Variants in CADPS observed in about 807,000 individuals in gnomAD.
CADPS encodes the protein calcium dependent secretion activator.
A neutral mutation model predicts 167.3 loss-of-function variants in CADPS; 57 were observed. The observed-to-expected ratio is 0.34, with a 90% CI of 0.28 to 0.42. The LOEUF (loss-of-function observed/expected upper bound fraction) is 0.42. Ranked by LOEUF, CADPS falls within the 20% of genes least tolerant of loss-of-function variation. The pLI, the probability that CADPS is intolerant of heterozygous loss-of-function variation, is 1.00. For synonymous variants in CADPS, 676 were observed against 635.3 expected, an observed-to-expected ratio of 1.06 and a Z score of -0.96; for missense variants, 1,414 against 1,738.1, an observed-to-expected ratio of 0.81 and a Z score of 3.32.
chr3:62,512,722 AATTTAT>A, intron 17 of CADPS, 23 bp downstream of exon 17: 1 of 1,575,254 alleles, frequency 6.3e-7, no homozygotes, highest in Non-Finnish European at 8.7e-7. Context: ...CAGTCCTGAT[AATTTAT>A]AATGCATATA....
intron 3 of CADPS, among the ~76,000 whole-genome samples, chr3:62,701,802 T>C (rs1258318986): frequency 6.6e-6 from 1 of 152,040 alleles, no homozygotes; most frequent in Non-Finnish European, 1.5e-5. Context: ...CATGGTTTGC[T>C]CATTTATCCA....
At chr3:62,532,713 C>T (rs893811140) in intron 13 of CADPS, among the ~76,000 whole-genome samples, 158 bp downstream of exon 13, 6 of 87,730 alleles carry the variant, frequency 6.8e-5, no homozygotes, top group Admixed American at 1.5e-4. Context: ...AAAGTTAGTG[C>T]CCTTTGTGTG....
chr3:62,481,885 A>T lies in CADPS; in HGVS notation c.3027-16T>A, dbSNP rs1027547159. The T allele has an allele frequency of 6.2e-7, 1 of 1,601,598 alleles. No homozygotes were observed. Among genetic ancestry groups the T allele is most frequent in the Non-Finnish European group, 8.5e-7 (1 of 1,175,522 alleles). ...GGTTAAACTCCTGTGGAAGAAACAG[A>T]CAGAAAGAAAAAATACCATCACAGT... is the stretch of plus-strand genomic sequence containing the variant. On this transcript the variant is annotated splice_polypyrimidine_tract_variant and intron_variant, in intron 21 of 29. Transcript: ENST00000383710.
intron 3 of CADPS, among the ~76,000 whole-genome samples, chr3:62,663,579 A>G (rs2073794555): frequency 6.8e-6 from 1 of 146,248 alleles, no homozygotes; most frequent in Admixed American, 7.0e-5. Flanking sequence ...TCTAAAATCA[A>G]TTTTAGAAGA....
Position 62,525,662 on chromosome 3 carries a change from C to T in CADPS, c.2291+7209G>A, listed in dbSNP as rs576330207. The stretch of plus-strand genomic sequence containing the variant: ...TTGTGGGAAAAAGGGTTGAGAAGCA[C>T]CGGATGTAATGTCATTATGTGTGTG... On this transcript the variant is annotated intron_variant, in intron 13 of 29. Coordinates refer to ENST00000383710, the MANE Select transcript of CADPS (RefSeq NM_003716.4). Among the ~76,000 whole-genome samples the T allele has an allele frequency of 8.8e-5, 12 of 136,780 alleles. No homozygotes were observed. The South Asian group carries it at 2.8e-3, about 32-fold the overall frequency. The allele number at this position is 136,780 out of a possible 152,430, so 89.7% of individuals were successfully genotyped here. A position where few individuals can be genotyped will look rare whatever the true frequency, so the allele number is the denominator to read the frequency against.
intron 4 of CADPS, among the ~76,000 whole-genome samples, chr3:62,652,605 G>C (rs146973870): frequency 6.1e-4 from 92 of 151,918 alleles, no homozygotes; most frequent in African/African-American, 2.1e-3. Context: ...TGCCACACTG[G>C]ATCAGGTCAA....
At chr3:62,794,793 A>AAAAAAG (rs2093272073) in intron 1 of CADPS, among the ~76,000 whole-genome samples, 6 of 136,692 alleles carry the variant, frequency 4.4e-5, no homozygotes, top group Non-Finnish European at 4.5e-5. Flanking sequence ...AAAAAAAAAA[A>AAAAAAG]AAAAAAAAAA....
intron 1 of CADPS, among the ~76,000 whole-genome samples, chr3:62,791,034 T>G (rs1267641734): frequency 2.6e-5 from 4 of 151,960 alleles, no homozygotes; most frequent in African/African-American, 9.7e-5. Context: ...GTATTCTTTG[T>G]GCAATATTTC....
At chr3:62,728,722 C>A (rs537707784) in intron 3 of CADPS, among the ~76,000 whole-genome samples, 1 of 151,922 alleles carries the variant, frequency 6.6e-6, no homozygotes, top group East Asian at 1.9e-4. Flanking sequence ...TCAGATAACC[C>A]CTTCAACCAA....
intron 17 of CADPS, among the ~76,000 whole-genome samples, chr3:62,509,175 G>A (rs146189191): frequency 1.0e-3 from 152 of 151,724 alleles, no homozygotes; most frequent in African/African-American, 3.4e-3. Context: ...ATGGTGGTGT[G>A]TGCCTGTAGT....
Position 62,854,637 on chromosome 3 carries a change from G to C in CADPS, c.441+19952C>G, listed in dbSNP as rs1452030356. ...AGAAAAATCTAGGTTGCAAAAGATT[G>C]CATGTTATCTTCTGGTTGGCTGGGA... On this transcript the variant is annotated intron_variant, in intron 1 of 29. Transcript: ENST00000383710. 2.0e-5 allele frequency among the ~76,000 whole-genome samples: 3 copies of C among 152,294 alleles called. No homozygotes were observed. The East Asian group carries it at 5.8e-4, about 29-fold the overall frequency.
At chr3:62,517,692 G>T (rs2069336498) in intron 14 of CADPS, among the ~76,000 whole-genome samples, 1 of 152,258 alleles carries the variant, frequency 6.6e-6, no homozygotes. Context: ...ATGCAGGGGA[G>T]ATTCAATCCA....
At chr3:62,442,859 G>A (rs2056583971) in intron 27 of CADPS, among the ~76,000 whole-genome samples, 1 of 151,728 alleles carries the variant, frequency 6.6e-6, no homozygotes. Context: ...ACCCCTCCTA[G>A]GATTGATTTC....
chr3:62,656,389 T>C (rs554173617), intron 4 of CADPS, among the ~76,000 whole-genome samples: 24 of 152,320 alleles, frequency 1.6e-4, no homozygotes, highest in African/African-American at 5.3e-4. Flanking sequence ...CATGCTTCTA[T>C]TTATCCCTAT....
chr3:62,840,814 T>C (rs2076548511), intron 1 of CADPS, among the ~76,000 whole-genome samples: 1 of 152,186 alleles, frequency 6.6e-6, no homozygotes, highest in African/African-American at 2.4e-5. Context: ...CACTGACAAT[T>C]ATTCAAATTA....
chr3:62,497,119 C>T (rs13316531), intron 18 of CADPS, among the ~76,000 whole-genome samples: 44 of 152,218 alleles, frequency 2.9e-4, no homozygotes, highest in African/African-American at 5.1e-4. Flanking sequence ...ATTAACACAG[C>T]GAGAAAGGGC....
intron 4 of CADPS, among the ~76,000 whole-genome samples, chr3:62,654,482 T>A (rs982839800): frequency 2.0e-5 from 3 of 152,146 alleles, no homozygotes; most frequent in Non-Finnish European, 4.4e-5. Context: ...TGCTCTTTTC[T>A]CCTTCCCATG....
intron 6 of CADPS, among the ~76,000 whole-genome samples, chr3:62,630,816 C>A (rs1053449493): frequency 6.6e-6 from 1 of 152,080 alleles, no homozygotes; most frequent in African/African-American, 2.4e-5. Flanking sequence ...GTGTGATTTA[C>A]TCCCACTTTT....
intron 3 of CADPS, among the ~76,000 whole-genome samples, chr3:62,684,353 A>G (rs1287099651): frequency 1.3e-5 from 2 of 151,898 alleles, no homozygotes; most frequent in African/African-American, 2.4e-5. Flanking sequence ...GATTTTTTGG[A>G]GCACTTTTCA....
Sources: allele counts gnomAD v4.1 joint callset (sites outside exome capture counted in the v4.1 genomes callset), GRCh38; gene constraint gnomAD v4.1.1; transcripts MANE v1.5; gene names NCBI Gene and HGNC (gene_info 2026-07-23, HGNC 2026-07-21).